XKR6: variants seen among roughly 807,000 people sequenced by gnomAD.
XKR6 encodes the protein XK-related protein 6.
Under a neutral mutation model 56.7 loss-of-function variants are expected in XKR6, and 22 were observed. The ratio of observed to expected loss-of-function variants is 0.39; its 90% CI spans 0.28 to 0.55. The LOEUF (loss-of-function observed/expected upper bound fraction) is 0.55, where lower values mean the gene tolerates loss of function less well. Among genes scored for constraint, XKR6 ranks in the 20% least tolerant of loss-of-function variants. The pLI, the probability that XKR6 is intolerant of heterozygous loss-of-function variation, is 0.66. For synonymous variants in XKR6, 524 were observed against 387.8 expected, an observed-to-expected ratio of 1.35 and a Z score of -4.13; for missense variants, 852 against 889.0, an observed-to-expected ratio of 0.96 and a Z score of 0.53.
chr8:10,919,457 A>G (rs748355420), intron 2 of XKR6, among the ~76,000 whole-genome samples: 3 of 152,216 alleles, frequency 2.0e-5, no homozygotes, highest in Non-Finnish European at 4.4e-5. Flanking sequence ...TATGCCTGTT[A>G]TGCTCCCCAT....
At chr8:10,926,541 G>A (rs1800891607) in intron 1 of XKR6, among the ~76,000 whole-genome samples, 1 of 152,258 alleles carries the variant, frequency 6.6e-6, no homozygotes, top group South Asian at 2.1e-4. Context: ...GACAACCAGA[G>A]TGAGGCTGGC....
At chr8:10,953,796 A>G (rs1586349571) in intron 1 of XKR6, among the ~76,000 whole-genome samples, 1 of 152,140 alleles carries the variant, frequency 6.6e-6, no homozygotes, top group African/African-American at 2.4e-5. Flanking sequence ...GAAATCCTGG[A>G]CTCACAAGCA....
At chr8:10,945,960 T>G (rs767112409) in intron 1 of XKR6, among the ~76,000 whole-genome samples, 1 of 152,066 alleles carries the variant, frequency 6.6e-6, no homozygotes, top group African/African-American at 2.4e-5. Context: ...GGGACTATAT[T>G]TGATTCCTCT....
chr8:10,974,990 GC>G (rs1457933907), intron 1 of XKR6, among the ~76,000 whole-genome samples: 5 of 152,192 alleles, frequency 3.3e-5, no homozygotes, highest in African/African-American at 1.2e-4. Flanking sequence ...ATTTTACCAA[GC>G]TTTTTTTTAA....
At chr8:11,047,165 ATAAC>A (rs1291571066) in intron 1 of XKR6, among the ~76,000 whole-genome samples, 3 of 152,236 alleles carry the variant, frequency 2.0e-5, no homozygotes, top group African/African-American at 7.2e-5. Flanking sequence ...CAAGAAAAAA[ATAAC>A]TATGCGAGGG....
At chr8:11,073,494 C>G (rs1043392010) in intron 1 of XKR6, among the ~76,000 whole-genome samples, 5 of 152,192 alleles carry the variant, frequency 3.3e-5, no homozygotes, top group African/African-American at 1.2e-4. Flanking sequence ...TGCCCCAAAC[C>G]TGGACACTCT....
intron 1 of XKR6, among the ~76,000 whole-genome samples, chr8:11,019,571 G>T (rs1377806624): frequency 1.3e-5 from 2 of 152,188 alleles, no homozygotes; most frequent in African/African-American, 4.8e-5. Flanking sequence ...GAACGCGCAG[G>T]TGACATTCCA....
chr8:11,191,417 T>C (rs758462001), intron 1 of XKR6, among the ~76,000 whole-genome samples: 7 of 152,190 alleles, frequency 4.6e-5, no homozygotes, highest in Non-Finnish European at 1.0e-4. Context: ...ACTACCTTTA[T>C]ATAAAGAAAT....
At chr8:10,918,075 A>G (rs1800609901) in intron 2 of XKR6, among the ~76,000 whole-genome samples, 1 of 152,238 alleles carries the variant, frequency 6.6e-6, no homozygotes, top group Non-Finnish European at 1.5e-5. Context: ...ATCCTGCCCT[A>G]AAGTCTTTCT....
intron 1 of XKR6, among the ~76,000 whole-genome samples, chr8:11,093,957 G>T (rs544669304): frequency 1.1e-4 from 17 of 151,840 alleles, no homozygotes; most frequent in African/African-American, 4.1e-4. Context: ...CTAATTTTTT[G>T]TATTTTTAGT....
chr8:10,993,098 A>G (rs1798029835), intron 1 of XKR6, among the ~76,000 whole-genome samples: 1 of 152,274 alleles, frequency 6.6e-6, no homozygotes, highest in Non-Finnish European at 1.5e-5. Context: ...CTACATTTAT[A>G]TAAATAGCAA....
intron 1 of XKR6, among the ~76,000 whole-genome samples, chr8:10,979,857 C>G (rs1342563914): frequency 1.3e-5 from 2 of 152,190 alleles, no homozygotes; most frequent in Non-Finnish European, 2.9e-5. Flanking sequence ...TGAGGTCTTT[C>G]CAAGGGCAGA....
At chr8:11,175,902 C>G (rs1563195784) in intron 1 of XKR6, among the ~76,000 whole-genome samples, 1 of 152,108 alleles carries the variant, frequency 6.6e-6, no homozygotes, top group African/African-American at 2.4e-5. Flanking sequence ...AATCCAAGAA[C>G]AAGAATACAG....
rs1804178932 is a variant in XKR6, at chr8:11,200,825, G to A, written c.515C>T (p.Pro172Leu). The A allele has an allele frequency of 6.2e-7, 1 of 1,611,844 alleles. No homozygotes were observed. Among genetic ancestry groups the A allele is most frequent in the Non-Finnish European group, 8.5e-7 (1 of 1,179,466 alleles). ...FGLTLFFVLVPSLLVQSLSFR... is the reference protein window; with the variant it reads ...FGLTLFFVLVLSLLVQSLSFR... ...GCTCAGGCTCTGCACCAGCAGCGAC[G>A]GCACCAGCACGAAGAAGAGGGTCAG... Residue 172 changes from proline (P) to leucine (L), a missense_variant, in exon 1 of 3, where the codon CCG (proline) becomes CTG (leucine). This residue lies in a region of XKR6 where 417 missense variants were observed against 355.2 expected (regional missense o/e 1.17). Coordinates refer to ENST00000416569, the MANE Select transcript of XKR6 (RefSeq NM_173683.4). This position sits in a 1 kb window ranked among gnomAD's most constrained non-coding sequence, Gnocchi z 6.4.
chr8:10,913,054 A>G (rs1800455077), intron 2 of XKR6, among the ~76,000 whole-genome samples: 1 of 150,590 alleles, frequency 6.6e-6, no homozygotes, highest in Non-Finnish European at 1.5e-5. Context: ...ATATATATAT[A>G]GTATATATCT....
chr8:11,051,004 C>T (rs981153877), intron 1 of XKR6, among the ~76,000 whole-genome samples: 6 of 152,170 alleles, frequency 3.9e-5, no homozygotes, highest in Non-Finnish European at 1.5e-5. Flanking sequence ...TGGAGCAGAA[C>T]GTCTCAAAGA....
At chr8:11,183,225 G>C (rs776007872) in intron 1 of XKR6, among the ~76,000 whole-genome samples, 4 of 152,150 alleles carry the variant, frequency 2.6e-5, no homozygotes, top group Non-Finnish European at 5.9e-5. Flanking sequence ...TATACAGCCC[G>C]AATTGAAACT....
chr8:11,073,436 T>C (rs972439382), intron 1 of XKR6, among the ~76,000 whole-genome samples: 1 of 152,124 alleles, frequency 6.6e-6, no homozygotes, highest in Non-Finnish European at 1.5e-5. Flanking sequence ...AGGACTGGCA[T>C]ACAAGGCAGA....
At chr8:11,052,502 G>A (rs1194553803) in intron 1 of XKR6, among the ~76,000 whole-genome samples, 8 of 152,278 alleles carry the variant, frequency 5.3e-5, no homozygotes, top group South Asian at 4.1e-4. Flanking sequence ...CAGATGGCGC[G>A]AGGTAAGGCT....
Sources: allele counts gnomAD v4.1 joint callset (sites outside exome capture counted in the v4.1 genomes callset), GRCh38; gene constraint gnomAD v4.1.1; regional missense constraint gnomAD v4.1.1; non-coding constraint Gnocchi (gnomAD v3.1); transcripts MANE v1.5; gene names NCBI Gene and HGNC (gene_info 2026-07-23, HGNC 2026-07-21).